The following SOCS4 variants were observed in gnomAD, a reference collection of about 807,000 sequenced individuals.
The protein encoded by SOCS4 is suppressor of cytokine signaling 4, also known as SH2 domain containing SOCS box protein.
SOCS4 carries 20 observed loss-of-function variants against 34.1 expected under a neutral mutation model. That is an observed-to-expected ratio of 0.59 (90% CI 0.41 to 0.85). The LOEUF (loss-of-function observed/expected upper bound fraction) is 0.85. Ranked by LOEUF, SOCS4 falls within the 40% of genes least tolerant of loss-of-function variation. SOCS4 has a pLI of 0.00. For missense variants in SOCS4, 479 were observed against 532.4 expected, an observed-to-expected ratio of 0.90 and a Z score of 0.99; for synonymous variants, 180 against 186.4, an observed-to-expected ratio of 0.97 and a Z score of 0.28.
intron 1 of SOCS4, among the ~76,000 whole-genome samples, chr14:55,028,250 T>G (rs894091414): frequency 1.3e-4 from 20 of 152,206 alleles, no homozygotes; most frequent in African/African-American, 4.6e-4. Context: ...GGCGTTGTTT[T>G]TAGTACTAGA....
At chr14:55,039,835 G>C (rs1336397973) in intron 2 of SOCS4, among the ~76,000 whole-genome samples, 2 of 152,212 alleles carry the variant, frequency 1.3e-5, no homozygotes, top group Non-Finnish European at 2.9e-5. Context: ...GGTCGAGCTT[G>C]CAGTGAGCCG....
chr14:55,042,990 A>G lies in SOCS4; in HGVS notation c.-52A>G. 1 of 1,509,254 alleles carries G rather than the reference A, an allele frequency of 6.6e-7. No homozygotes were observed. The allele number at this position is 1,509,254 out of a possible 1,614,324, so 93.5% of individuals were successfully genotyped here. A position where few individuals can be genotyped will look rare whatever the true frequency, so the allele number is the denominator to read the frequency against. ...GTGCCCAGAAGAAACTTCCTGCTGG[A>G]AAAAATGAAAAAGCAGTATTTATAA... On this transcript the variant is annotated 5_prime_UTR_variant, in exon 3 of 3. Coordinates refer to ENST00000555846, the MANE Select transcript of SOCS4 (RefSeq NM_199421.2).
chr14:55,037,398 A>C (rs1207937208), intron 2 of SOCS4, among the ~76,000 whole-genome samples: 1 of 151,640 alleles, frequency 6.6e-6, no homozygotes, highest in Non-Finnish European at 1.5e-5. Flanking sequence ...CTGCCTCCCA[A>C]AGTCCTGGGA....
intron 2 of SOCS4, among the ~76,000 whole-genome samples, chr14:55,036,170 T>C (rs1160641159): frequency 6.6e-6 from 1 of 152,202 alleles, no homozygotes; most frequent in African/African-American, 2.4e-5. Context: ...ACTTTTTCCT[T>C]ATAACTTTAT....
chr14:55,038,020 G>T (rs1472769973), intron 2 of SOCS4, among the ~76,000 whole-genome samples: 6 of 152,182 alleles, frequency 3.9e-5, no homozygotes, highest in African/African-American at 1.2e-4. Flanking sequence ...AAAGCAAAGA[G>T]ATTTAATTGA....
chr14:55,030,849 C>T (rs1440883153), intron 1 of SOCS4, among the ~76,000 whole-genome samples: 1 of 152,018 alleles, frequency 6.6e-6, no homozygotes, highest in Non-Finnish European at 1.5e-5. Context: ...TGTTTATTTT[C>T]AAATATGGTA....
At chr14:55,038,635 CTG>C (rs1362413572) in intron 2 of SOCS4, among the ~76,000 whole-genome samples, 2 of 152,174 alleles carry the variant, frequency 1.3e-5, no homozygotes, top group Non-Finnish European at 2.9e-5. Flanking sequence ...CTACCCTCTG[CTG>C]TGTCTGGTAT....
chr14:55,030,874 G>A (rs968480587), intron 1 of SOCS4, among the ~76,000 whole-genome samples: 1 of 152,078 alleles, frequency 6.6e-6, no homozygotes, highest in African/African-American at 2.4e-5. Flanking sequence ...GAAAAACAGT[G>A]TAGGTTGTTA....
chr14:55,038,118 A>G (rs1180238671), intron 2 of SOCS4, among the ~76,000 whole-genome samples: 2 of 152,176 alleles, frequency 1.3e-5, no homozygotes, highest in Admixed American at 6.5e-5. Context: ...GTGGCAAGCA[A>G]GAGAGCTTGT....
intron 1 of SOCS4, among the ~76,000 whole-genome samples, chr14:55,029,427 G>GTTAGT (rs529386205): frequency 7.3e-4 from 111 of 152,238 alleles, no homozygotes; most frequent in African/African-American, 2.6e-3. Flanking sequence ...TGCAGTGATG[G>GTTAGT]TTAGTTAGCT....
In SOCS4 at chr14:55,043,063, A is replaced by G. The variant is rs1409092692; in HGVS notation, c.22A>G (p.Ile8Val). MAENNEN[I>V]SKNVDVRPKT... ...TAACATGGCAGAAAATAATGAAAAT[A>G]TTAGTAAAAATGTAGATGTAAGGCC... is the stretch of plus-strand genomic sequence containing the variant. Residue 8 changes from isoleucine to valine, a missense_variant, in exon 3 of 3, where the codon ATT becomes GTT. Transcript: ENST00000555846. 22 of 1,604,422 alleles carry G rather than the reference A, an allele frequency of 1.4e-5. No homozygotes were observed. The highest frequency in any genetic ancestry group is 1.9e-5 in the Non-Finnish European group (22 of 1,174,630).
At chr14:55,039,080 G>A (rs968040901) in intron 2 of SOCS4, among the ~76,000 whole-genome samples, 1 of 152,160 alleles carries the variant, frequency 6.6e-6, no homozygotes, top group Non-Finnish European at 1.5e-5. Context: ...GCCATTTTCT[G>A]ACTGGAGTAA....
intron 1 of SOCS4, among the ~76,000 whole-genome samples, chr14:55,028,922 G>A (rs1214667917): frequency 2.0e-5 from 3 of 152,144 alleles, no homozygotes; most frequent in Non-Finnish European, 2.9e-5. Flanking sequence ...GTATATAGGA[G>A]ATACTCATGG....
intron 1 of SOCS4, among the ~76,000 whole-genome samples, chr14:55,029,497 A>G (rs2042509110): frequency 6.6e-6 from 1 of 152,174 alleles, no homozygotes; most frequent in Admixed American, 6.5e-5. Context: ...GCTCCCAAGG[A>G]CAATTGGGTG....
At position 55,043,660 on chromosome 14, in the gene SOCS4, GAAGGTCCTAT is replaced by G; in HGVS notation, c.620_629del (p.Glu207GlyfsTer5). On this transcript the variant is annotated frameshift_variant, in exon 3 of 3. Transcript: ENST00000555846. LOFTEE classifies it high-confidence loss of function. ...AACCACCGACAATGCTTTGTGTAGA[GAAGGTCCTAT>G]GACTGGCTCTGTGATGAACCTGGTT... The G allele has an allele frequency of 6.2e-7, 1 of 1,614,146 alleles. No homozygotes were observed. The highest frequency in any genetic ancestry group is 8.5e-7 in the Non-Finnish European group (1 of 1,180,020).
chr14:55,039,890 C>T (rs897174569), intron 2 of SOCS4, among the ~76,000 whole-genome samples: 5 of 151,980 alleles, frequency 3.3e-5, no homozygotes, highest in East Asian at 1.9e-4. Context: ...AGCAAGACTC[C>T]GTCTCAAAAA....
Position 55,043,494 on chromosome 14 carries a change from T to TAG in SOCS4, c.453_454insAG (p.Ala152ArgfsTer4). On this transcript the variant is annotated frameshift_variant, in exon 3 of 3. Transcript: ENST00000555846. LOFTEE classifies it high-confidence loss of function. ...GGTGGCATTTTATTAAACGACACAC[T>TAG]GCTCCTATAAATTCCAAATCAGATG... The TAG allele has an allele frequency of 6.2e-7, 1 of 1,614,220 alleles. No homozygotes were observed.
In SOCS4 at chr14:55,027,699, GTAGAGA is replaced by G. The variant is rs1234243203; in HGVS notation, c.-220+231_-220+236del. On this transcript the variant is annotated intron_variant, in intron 1 of 2. Coordinates refer to ENST00000555846, the MANE Select transcript of SOCS4 (RefSeq NM_199421.2). ...TTCGTGCCCTCACCTTGTCGCTTCT[GTAGAGA>G]TAAAGAAGGAATGACTTAATTTCTG... The G allele has an allele frequency of 1.8e-4, 28 of 152,238 alleles. 1 individual carries two copies. Among genetic ancestry groups the G allele is most frequent in the Admixed American group, 1.8e-3 (28 of 15,276 alleles). 9.4% of individuals were successfully genotyped at this position (152,238 alleles called of 1,614,324 possible).
At chr14:55,042,657 A>T (rs1407996478) in intron 2 of SOCS4, among the ~76,000 whole-genome samples, 2 of 152,188 alleles carry the variant, frequency 1.3e-5, no homozygotes, top group African/African-American at 4.8e-5. Flanking sequence ...AACTATTCAC[A>T]TTTGAGTATT....
Sources: gnomAD v4.1 joint callset for allele counts (sites outside exome capture counted in the v4.1 genomes callset) on GRCh38, gnomAD v4.1.1 for gene constraint, MANE v1.5 for transcripts, NCBI Gene and HGNC (gene_info 2026-07-23, HGNC 2026-07-21) for gene names.